The following HMGB1 variants were observed in gnomAD, a reference collection of about 807,000 sequenced individuals.
HMGB1 encodes high mobility group protein B1.
For missense variants in HMGB1, 79 were observed against 253.5 expected, an observed-to-expected ratio of 0.31 and a Z score of 4.67; for synonymous variants, 81 against 84.0, an observed-to-expected ratio of 0.96 and a Z score of 0.19.
chr13:30,593,454 C>T (rs774543795), intron 1 of HMGB1, among the ~76,000 whole-genome samples: 2 of 152,126 alleles, frequency 1.3e-5, no homozygotes, highest in Admixed American at 1.3e-4. Context: ...TTGGGGAGCC[C>T]GAGTTCATGA....
upstream of HMGB1, among the ~76,000 whole-genome samples, chr13:30,466,625 G>C (rs1886796143): frequency 6.6e-6 from 1 of 152,206 alleles, no homozygotes; most frequent in African/African-American, 2.4e-5. Flanking sequence ...CAGTGAGCAG[G>C]CATTCAGTTT....
intron 1 of HMGB1, among the ~76,000 whole-genome samples, chr13:30,586,381 T>G (rs1871147007): frequency 6.6e-6 from 1 of 152,106 alleles, no homozygotes; most frequent in Non-Finnish European, 1.5e-5. Flanking sequence ...CTGAACCTAG[T>G]TTTTTTCTCC....
intron 1 of HMGB1, among the ~76,000 whole-genome samples, chr13:30,562,135 A>G (rs1869982828): frequency 6.6e-6 from 1 of 152,144 alleles, no homozygotes; most frequent in Non-Finnish European, 1.5e-5. Context: ...TGGCCTGGTC[A>G]ACATGGCAAA....
intron 1 of HMGB1, among the ~76,000 whole-genome samples, chr13:30,537,652 C>CTTATATAT (rs1555238610): frequency 1.5e-5 from 1 of 68,004 alleles, no homozygotes; most frequent in South Asian, 8.9e-4. Flanking sequence ...CATTCTTGTT[C>CTTATATAT]ATATATATAT....
At position 30,473,405 on chromosome 13, in the gene HMGB1, C is replaced by T. The variant is rs151015172; in HGVS notation, c.-14-9711G>A. On this transcript the variant is annotated intron_variant, in intron 1 of 4. Transcript: ENST00000405805. ...GTTAGTCAAAGAATGGTACACATGA[C>T]GAGTGGAAAACGCAATAGTAAAAGT... is the stretch of plus-strand genomic sequence containing the variant. 1.6e-3 allele frequency among the ~76,000 whole-genome samples: 249 copies of T among 152,228 alleles called. 1 individual carries two copies. The highest frequency in any genetic ancestry group is 5.8e-3 in the African/African-American group (242 of 41,530).
chr13:30,537,158 G>C (rs935804145), intron 1 of HMGB1, among the ~76,000 whole-genome samples: 16 of 152,154 alleles, frequency 1.1e-4, no homozygotes, highest in African/African-American at 3.6e-4. Flanking sequence ...AATGTTACAG[G>C]CATTTCTCCT....
chr13:30,472,025 C>T (rs551323212), intron 1 of HMGB1, among the ~76,000 whole-genome samples: 132 of 152,050 alleles, frequency 8.7e-4, no homozygotes, highest in African/African-American at 2.9e-3. Context: ...TGCCTGTAAT[C>T]CCACTACTTT....
chr13:30,465,071 G>A, intron 1 of HMGB1: 1 of 821,364 alleles, frequency 1.2e-6, no homozygotes, highest in Non-Finnish European at 1.5e-6. Flanking sequence ...AAAAAAAGTT[G>A]CCTCGGAACT....
At chr13:30,606,512 T>C (rs2137569968) in intron 1 of HMGB1, among the ~76,000 whole-genome samples, 1 of 152,330 alleles carries the variant, frequency 6.6e-6, no homozygotes, top group East Asian at 1.9e-4. Context: ...AAAATGAATT[T>C]CCTAAAATTT....
At chr13:30,518,101 G>A (rs140799889) in intron 1 of HMGB1, among the ~76,000 whole-genome samples, 25 of 152,204 alleles carry the variant, frequency 1.6e-4, no homozygotes, top group African/African-American at 6.0e-4. Context: ...GGAGGCTGAG[G>A]TGGGAGGATC....
chr13:30,486,985 C>T (rs1383467243), intron 1 of HMGB1, among the ~76,000 whole-genome samples: 4 of 152,048 alleles, frequency 2.6e-5, no homozygotes, highest in Admixed American at 6.6e-5. Flanking sequence ...TTCTTCATGC[C>T]GGTCTTATTT....
chr13:30,593,792 A>G (rs1871479250), intron 1 of HMGB1, among the ~76,000 whole-genome samples: 2 of 152,232 alleles, frequency 1.3e-5, no homozygotes, highest in African/African-American at 4.8e-5. Context: ...AATGTGGAAC[A>G]TTCCACTAAA....
chr13:30,550,654 G>T (rs1288399930), intron 1 of HMGB1, among the ~76,000 whole-genome samples: 1 of 152,170 alleles, frequency 6.6e-6, no homozygotes, highest in Non-Finnish European at 1.5e-5. Flanking sequence ...TCTTTTGCCT[G>T]TGTGTCTGCA....
intron 1 of HMGB1, among the ~76,000 whole-genome samples, chr13:30,558,441 A>G (rs1185262611): frequency 6.6e-6 from 1 of 152,210 alleles, no homozygotes; most frequent in Non-Finnish European, 1.5e-5. Context: ...CCATTTGCTC[A>G]CCAAGACCTC....
At position 30,601,493 on chromosome 13, in the gene HMGB1, C is replaced by G. The variant is rs1490130627; in HGVS notation, c.-15+15178G>C. ...GGGCGCGGTGGCTCACGCCTGTAAT[C>G]CCAGCACTTTGGGAGGCCGAGGCGG... On this transcript the variant is annotated intron_variant, in intron 1 of 4. Transcript: ENST00000405805. Among the ~76,000 whole-genome samples the G allele has an allele frequency of 5.2e-5, 2 of 38,450 alleles. 1 individual carries two copies. Among genetic ancestry groups the G allele is most frequent in the African/African-American group, 2.3e-3 (2 of 866 alleles). 25.2% of individuals were successfully genotyped at this position (38,450 alleles called of 152,430 possible).
At chr13:30,494,509 G>A (rs775772654) in intron 1 of HMGB1, among the ~76,000 whole-genome samples, 18 of 152,050 alleles carry the variant, frequency 1.2e-4, no homozygotes, top group Non-Finnish European at 2.6e-4. Flanking sequence ...TTACAGGCGT[G>A]CGCCACCAAG....
chr13:30,465,488 T>A (rs1482647928), intron 1 of HMGB1, among the ~76,000 whole-genome samples: 5 of 148,794 alleles, frequency 3.4e-5, no homozygotes, highest in Non-Finnish European at 6.0e-5. Context: ...ACGTTCAAAA[T>A]TTTTTTAATT....
rs1565991990 is a variant in HMGB1 at position 30,460,180 on chromosome 13, G to A, written c.*1177C>T. The A allele has an allele frequency of 1.3e-5, 2 of 151,184 alleles. No homozygotes were observed. Among genetic ancestry groups the A allele is most frequent in the East Asian group, 3.8e-4 (2 of 5,204 alleles). 9.4% of individuals were successfully genotyped at this position (151,184 alleles called of 1,614,324 possible). A position where few individuals can be genotyped will look rare whatever the true frequency, so the allele number is the denominator to read the frequency against. ...TAATTCATACTGAGATGCAAAGTTTGTCTTCTTTCTTCCTATCTACTTGGA... is the reference window on the plus strand; with the variant it reads ...TAATTCATACTGAGATGCAAAGTTTATCTTCTTTCTTCCTATCTACTTGGA... On this transcript the variant is annotated 3_prime_UTR_variant, in exon 5 of 5. Transcript: ENST00000341423.
chr13:30,465,719 C>G (rs1164125330), intron 1 of HMGB1, 77 bp downstream of exon 1: 33 of 805,446 alleles, frequency 4.1e-5, no homozygotes, highest in African/African-American at 3.2e-4. Context: ...GGCTCCCGGC[C>G]GCGGGGATCC....
Sources: gnomAD v4.1 joint callset for allele counts (sites outside exome capture counted in the v4.1 genomes callset) on GRCh38, gnomAD v4.1.1 for gene constraint, MANE v1.5 for transcripts, NCBI Gene and HGNC (gene_info 2026-07-23, HGNC 2026-07-21) for gene names.